Variants in DGAT2L6 observed in about 807,000 individuals in gnomAD.
DGAT2L6 encodes diacylglycerol O-acyltransferase 2 like 6, also known as diacylglycerol O-acyltransferase 2-like protein 6.
Under a neutral mutation model 25.5 loss-of-function variants are expected in DGAT2L6, and 22 were observed. The ratio of observed to expected loss-of-function variants is 0.86; its 90% CI spans 0.62 to 1.23. DGAT2L6 has a LOEUF of 1.23. DGAT2L6 is among the 50% of genes most tolerant of loss of function. DGAT2L6 has a pLI of 0.00. For synonymous variants in DGAT2L6, 100 were observed against 94.7 expected (o/e 1.06, Z -0.32); for missense variants, 287 against 253.2 (o/e 1.13, Z -0.91).
At chrX:70,202,803 C>A (rs147072101) in intron 5 of DGAT2L6, among the ~76,000 whole-genome samples, 1 of 111,522 alleles carries the variant, frequency 9.0e-6, no homozygotes, top group Non-Finnish European at 1.9e-5. Flanking sequence ...AAACATGAGT[C>A]AGATCATGTC....
intron 1 of DGAT2L6, among the ~76,000 whole-genome samples, chrX:70,195,061 A>C (rs907398719): frequency 8.9e-6 from 1 of 112,075 alleles, no homozygotes; most frequent in Non-Finnish European, 1.9e-5. Context: ...AAAATAACAT[A>C]AACTTTTTAA....
At chrX:70,184,193 T>C (rs1393683868) in intron 1 of DGAT2L6, among the ~76,000 whole-genome samples, 2 of 111,462 alleles carry the variant, frequency 1.8e-5, no homozygotes, top group Non-Finnish European at 3.8e-5. Flanking sequence ...GCATAGTACC[T>C]GCCTCTCAAG....
Position 70,199,255 on chromosome X carries a change from C to G in DGAT2L6, c.86-16C>G. 1 of 1,115,232 alleles carries G rather than the reference C, an allele frequency of 9.0e-7. No individual in the cohort carries two copies. The highest frequency in any genetic ancestry group is 1.2e-6 in the Non-Finnish European group (1 of 823,895). 91.9% of individuals were successfully genotyped at this position (1,115,232 alleles called of 1,213,427 possible). A position where few individuals can be genotyped will look rare whatever the true frequency, so the allele number is the denominator to read the frequency against. ...TGAAGGGAACTGAAAGGCTTGAACCCTTTGTGTCTCCCCAGGAGCTATTCC... is the reference window on the plus strand; with the variant it reads ...TGAAGGGAACTGAAAGGCTTGAACCGTTTGTGTCTCCCCAGGAGCTATTCC... On this transcript the variant is annotated splice_polypyrimidine_tract_variant and intron_variant, in intron 1 of 6. Transcript: ENST00000333026.
At chrX:70,201,616 T>G in intron 4 of DGAT2L6, among the ~76,000 whole-genome samples, 1 of 110,546 alleles carries the variant, frequency 9.0e-6, no homozygotes, top group Admixed American at 9.6e-5. Flanking sequence ...ACTATTGATC[T>G]GAAATGCAGT....
intron 1 of DGAT2L6, among the ~76,000 whole-genome samples, chrX:70,197,657 T>G (rs1480777408): frequency 1.8e-5 from 2 of 112,737 alleles, no homozygotes; most frequent in African/African-American, 6.4e-5. Flanking sequence ...ACCTACTGTG[T>G]GCCAAGCTCT....
At chrX:70,204,643 G>A (rs779932619) in intron 6 of DGAT2L6, 127 bp downstream of exon 6, 20 of 792,033 alleles carry the variant, frequency 2.5e-5, no homozygotes, top group Non-Finnish European at 3.6e-5. Flanking sequence ...TTAAGAGCAG[G>A]GTGGGTAGGA....
At chrX:70,191,162 A>G (rs1222218947) in intron 1 of DGAT2L6, among the ~76,000 whole-genome samples, 1 of 112,814 alleles carries the variant, frequency 8.9e-6, no homozygotes, top group Non-Finnish European at 1.9e-5. Context: ...TAATTCCAGT[A>G]ACAGCCCAAA....
chrX:70,202,912 CCT>C (rs2147611344), intron 5 of DGAT2L6, among the ~76,000 whole-genome samples: 1 of 111,845 alleles, frequency 8.9e-6, no homozygotes, highest in East Asian at 2.8e-4. Context: ...TCTATAGCTG[CCT>C]CTCTGTCCTC....
rs767995320 is a variant in DGAT2L6 at position 70,201,880 on chromosome X, G to T, written c.473-10G>T. Reference sequence around the variant, plus strand: ...AAGTTTTTCTACCACTTGACTCTTTGGTTTCACAGGTGTGTGCCCTGTGAG... The same window carrying T: ...AAGTTTTTCTACCACTTGACTCTTTTGTTTCACAGGTGTGTGCCCTGTGAG... On this transcript the variant is annotated splice_polypyrimidine_tract_variant and intron_variant, in intron 4 of 6. Coordinates refer to ENST00000333026, the MANE Select transcript of DGAT2L6 (RefSeq NM_198512.3). The T allele has an allele frequency of 1.7e-6, 2 of 1,154,664 alleles. No homozygotes were observed. Among genetic ancestry groups the T allele is most frequent in the South Asian group, 2.1e-5 (1 of 48,092 alleles).
chrX:70,205,039 G>T lies in DGAT2L6; in HGVS notation c.947G>T (p.Arg316Leu). 8.3e-7 allele frequency: 1 copy of T among 1,206,899 alleles called. No homozygotes were observed. Among genetic ancestry groups the T allele is most frequent in the Non-Finnish European group, 1.1e-6 (1 of 893,566 alleles). Reference sequence around the variant, plus strand: ...CACGCACTCTACATCAGTGCCCTGCGCAAGCTCTTTGACCAACACAAAGTT... The same window carrying T: ...CACGCACTCTACATCAGTGCCCTGCTCAAGCTCTTTGACCAACACAAAGTT... ...KYHALYISALRKLFDQHKVEY... is the reference protein window; with the variant it reads ...KYHALYISALLKLFDQHKVEY... Residue 316 changes from arginine (R) to leucine (L), a missense_variant, in exon 7 of 7, where the codon CGC becomes CTC. Arg to Leu is a moderately radical substitution (Grantham distance 102). Coordinates refer to ENST00000333026, the MANE Select transcript of DGAT2L6 (RefSeq NM_198512.3).
rs768722303 is a variant in DGAT2L6 at position 70,202,079 on chromosome X, T to G, written c.647+15T>G. 1.7e-6 allele frequency: 2 copies of G among 1,159,063 alleles called. No individual in the cohort carries two copies. Among genetic ancestry groups the G allele is most frequent in the African/African-American group, 3.6e-5 (2 of 56,210 alleles). The stretch of plus-strand genomic sequence containing the variant: ...CTGCAAACAGGGTGGGTTCCAAGGT[T>G]CTAGTGCTCTGTTGTCAGGGTGCCA... On this transcript the variant is annotated intron_variant, in intron 5 of 6. Transcript: ENST00000333026.
intron 1 of DGAT2L6, among the ~76,000 whole-genome samples, chrX:70,194,799 T>A (rs2085385838): frequency 9.0e-6 from 1 of 111,180 alleles, no homozygotes; most frequent in African/African-American, 3.3e-5. Flanking sequence ...AAAGAAAATA[T>A]AGGGAAAAAG....
intron 1 of DGAT2L6, among the ~76,000 whole-genome samples, chrX:70,196,503 G>GAAAAAAAAAAAAAAAAAAAA (rs1164024384): frequency 1.4e-5 from 1 of 70,566 alleles, no homozygotes; most frequent in Non-Finnish European, 2.8e-5. Context: ...AAAAAAAAAA[G>GAAAAAAAAAAAAAAAAAAAA]AAAGAAAAAA....
intron 1 of DGAT2L6, among the ~76,000 whole-genome samples, chrX:70,190,092 T>C (rs2085371146): frequency 1.8e-5 from 2 of 112,339 alleles, no homozygotes; most frequent in African/African-American, 6.5e-5. Context: ...GGAATAGATA[T>C]ATTGATCCAC....
At chrX:70,190,501 G>A (rs1001269349) in intron 1 of DGAT2L6, among the ~76,000 whole-genome samples, 34 of 111,672 alleles carry the variant, frequency 3.0e-4, no homozygotes, top group African/African-American at 1.0e-3. Context: ...TTACAGACCT[G>A]GAAATAGCCT....
chrX:70,193,929 A>C (rs771784520), intron 1 of DGAT2L6, among the ~76,000 whole-genome samples: 193 of 112,283 alleles, frequency 1.7e-3, no homozygotes, highest in African/African-American at 6.0e-3. Context: ...AATAAAAGGC[A>C]TCTAAATTGG....
chrX:70,189,140 A>G (rs1303430784), intron 1 of DGAT2L6, among the ~76,000 whole-genome samples: 2 of 111,348 alleles, frequency 1.8e-5, no homozygotes, highest in African/African-American at 6.5e-5. Flanking sequence ...AAAAAGAAAA[A>G]AAGAAATAAA....
intron 1 of DGAT2L6, among the ~76,000 whole-genome samples, chrX:70,197,370 A>C (rs2085395425): frequency 9.0e-6 from 1 of 111,652 alleles, no homozygotes; most frequent in Admixed American, 9.5e-5. Flanking sequence ...CTCTGAAAAA[A>C]ACGTTCCTCG....
At chrX:70,184,329 A>G (rs753937418) in intron 1 of DGAT2L6, among the ~76,000 whole-genome samples, 1 of 111,448 alleles carries the variant, frequency 9.0e-6, no homozygotes, top group East Asian at 2.8e-4. Context: ...AACCTTGTCA[A>G]TCTTGCCACT....
Sources: allele counts gnomAD v4.1 joint callset (sites outside exome capture counted in the v4.1 genomes callset), GRCh38; gene constraint gnomAD v4.1.1; transcripts MANE v1.5; gene names NCBI Gene and HGNC (gene_info 2026-07-23, HGNC 2026-07-21).